The following SDC2 variants were observed in gnomAD, a reference collection of about 807,000 sequenced individuals.
The protein encoded by SDC2 is syndecan 2.
A neutral mutation model predicts 22.2 loss-of-function variants in SDC2; 13 were observed. The observed-to-expected ratio is 0.59, with a 90% CI of 0.38 to 0.93. The LOEUF is 0.93. Among genes scored for constraint, SDC2 ranks in the 40% least tolerant of loss-of-function variants. The pLI, the probability that SDC2 is intolerant of heterozygous loss-of-function variation, is 0.00. For missense variants in SDC2, 235 were observed against 246.8 expected, an observed-to-expected ratio of 0.95 and a Z score of 0.32; for synonymous variants, 94 against 92.8, an observed-to-expected ratio of 1.01 and a Z score of -0.07.
chr8:96,509,041 A>G (rs1245278284), intron 1 of SDC2, among the ~76,000 whole-genome samples: 1 of 142,304 alleles, frequency 7.0e-6, no homozygotes, highest in East Asian at 1.9e-4. Context: ...TATTGCTTTA[A>G]TGGCTTCTCT....
intron 1 of SDC2, among the ~76,000 whole-genome samples, chr8:96,576,399 A>ATTT (rs1563667857): frequency 5.5e-5 from 1 of 18,048 alleles, no homozygotes; most frequent in African/African-American, 1.6e-4. Flanking sequence ...TTTTTACCAG[A>ATTT]TTTGCTTTAT....
At chr8:96,605,447 A>T (rs948674066) in intron 3 of SDC2, among the ~76,000 whole-genome samples, 1 of 152,202 alleles carries the variant, frequency 6.6e-6, no homozygotes, top group South Asian at 2.1e-4. Flanking sequence ...CCAATTAATG[A>T]TGGGCTTTTC....
chr8:96,561,813 A>G (rs1479349634), intron 1 of SDC2, among the ~76,000 whole-genome samples: 1 of 152,228 alleles, frequency 6.6e-6, no homozygotes, highest in East Asian at 1.9e-4. Context: ...AGTTAATGGA[A>G]TGGCTGGATG....
At chr8:96,548,782 C>T (rs1376923786) in intron 1 of SDC2, among the ~76,000 whole-genome samples, 4 of 152,144 alleles carry the variant, frequency 2.6e-5, no homozygotes, top group Non-Finnish European at 4.4e-5. Context: ...TAACATTGAG[C>T]GTCTGCTTTG....
At chr8:96,535,328 G>A (rs1443212997) in intron 1 of SDC2, among the ~76,000 whole-genome samples, 1 of 152,146 alleles carries the variant, frequency 6.6e-6, no homozygotes, top group Non-Finnish European at 1.5e-5. Flanking sequence ...TTTAGCCTAA[G>A]TGTGGCCCAT....
chr8:96,494,467 T>C (rs1813016801), intron 1 of SDC2, 136 bp downstream of exon 1: 1 of 759,152 alleles, frequency 1.3e-6, no homozygotes, highest in South Asian at 2.0e-5. Context: ...CTGGGACAAA[T>C]GCGCTCGTCC....
At chr8:96,530,589 G>A (rs755984833) in intron 1 of SDC2, among the ~76,000 whole-genome samples, 5 of 152,228 alleles carry the variant, frequency 3.3e-5, no homozygotes, top group African/African-American at 7.2e-5. Context: ...AGCTGTGATC[G>A]TACCATTGCA....
At chr8:96,528,496 TC>T (rs1410378985) in intron 1 of SDC2, among the ~76,000 whole-genome samples, 1 of 152,200 alleles carries the variant, frequency 6.6e-6, no homozygotes, top group Non-Finnish European at 1.5e-5. Context: ...TTCAACACTT[TC>T]TAAAAGGAAA....
chr8:96,504,860 C>T (rs572011391), intron 1 of SDC2, among the ~76,000 whole-genome samples: 13 of 151,610 alleles, frequency 8.6e-5, no homozygotes, highest in East Asian at 7.8e-4. Context: ...AGGCTGAGTC[C>T]GAAAAGAGAG....
At chr8:96,580,359 CAGAGCATTTG>C (rs1380265938) in intron 1 of SDC2, 3 of 984,742 alleles carry the variant, frequency 3.0e-6, no homozygotes, top group Non-Finnish European at 3.6e-6. Flanking sequence ...GTCTTTGTTC[CAGAGCATTTG>C]CCAAAGCCAG....
chr8:96,497,148 G>A (rs182937742), intron 1 of SDC2, among the ~76,000 whole-genome samples: 4 of 151,984 alleles, frequency 2.6e-5, no homozygotes, highest in Admixed American at 1.3e-4. Context: ...AAACTGTCAA[G>A]TCATTTGGGC....
intron 1 of SDC2, among the ~76,000 whole-genome samples, chr8:96,502,435 A>G (rs1468884361): frequency 2.0e-5 from 3 of 152,210 alleles, no homozygotes; most frequent in Admixed American, 6.5e-5. Context: ...TGTAACATAA[A>G]GAACAGCTGC....
intron 1 of SDC2, among the ~76,000 whole-genome samples, chr8:96,499,726 A>G (rs1813131390): frequency 6.6e-6 from 1 of 151,742 alleles, no homozygotes; most frequent in Non-Finnish European, 1.5e-5. Flanking sequence ...GGCACGGAAG[A>G]TAGGACATTT....
chr8:96,603,607 C>T (rs1452356829), intron 3 of SDC2, among the ~76,000 whole-genome samples: 6 of 152,118 alleles, frequency 3.9e-5, no homozygotes, highest in Non-Finnish European at 8.8e-5. Context: ...TAAGAATCAT[C>T]CCGTCTTCAG....
At chr8:96,501,772 A>T (rs1188423451) in intron 1 of SDC2, among the ~76,000 whole-genome samples, 1 of 152,182 alleles carries the variant, frequency 6.6e-6, no homozygotes, top group African/African-American at 2.4e-5. Flanking sequence ...GATGGAGTTG[A>T]ACGAGAAAAA....
chr8:96,574,482 G>A (rs981948256), intron 1 of SDC2, among the ~76,000 whole-genome samples: 10 of 152,174 alleles, frequency 6.6e-5, no homozygotes, highest in African/African-American at 2.4e-4. Flanking sequence ...AACCACAATT[G>A]CTTCCTAAAT....
chr8:96,609,583 T>C lies in SDC2; in HGVS notation c.*35T>C. On this transcript the variant is annotated 3_prime_UTR_variant, in exon 5 of 5. Coordinates refer to ENST00000302190, the MANE Select transcript of SDC2 (RefSeq NM_002998.4). ...TTAGTGTCTCTATTTATGAGATCAC[T>C]GAACTTTTCAAAATAAAGCTTTTGC... The C allele has an allele frequency of 7.0e-7, 1 of 1,437,032 alleles. No individual in the cohort carries two copies. The allele number at this position is 1,437,032 out of a possible 1,614,324, so 89.0% of individuals were successfully genotyped here.
At chr8:96,551,242 A>G (rs756870957) in intron 1 of SDC2, among the ~76,000 whole-genome samples, 1 of 152,218 alleles carries the variant, frequency 6.6e-6, no homozygotes, top group Non-Finnish European at 1.5e-5. Flanking sequence ...AAAAGCTCCA[A>G]GAAGTTCACT....
rs538254042 is a variant in SDC2, at chr8:96,611,612, C to T, written c.*2064C>T. The T allele has an allele frequency of 2.0e-5, 3 of 152,690 alleles. No homozygotes were observed. The South Asian group carries it at 6.2e-4, about 32-fold the overall frequency. The allele number at this position is 152,690 out of a possible 1,614,324, so 9.5% of individuals were successfully genotyped here. A position where few individuals can be genotyped will look rare whatever the true frequency, so the allele number is the denominator to read the frequency against. ...TTACAGAGGGTAGGAATGGGTATACCTCTAACTGTGCAAAGCAGAGTGAAA... is the reference window on the plus strand; with the variant it reads ...TTACAGAGGGTAGGAATGGGTATACTTCTAACTGTGCAAAGCAGAGTGAAA... On this transcript the variant is annotated 3_prime_UTR_variant, in exon 5 of 5. Transcript: ENST00000302190.
Sources: gnomAD v4.1 joint callset for allele counts (sites outside exome capture counted in the v4.1 genomes callset) on GRCh38, gnomAD v4.1.1 for gene constraint, MANE v1.5 for transcripts, NCBI Gene and HGNC (gene_info 2026-07-23, HGNC 2026-07-21) for gene names.